The following WASHC3 variants were observed in gnomAD, a reference collection of about 807,000 sequenced individuals.
The protein encoded by WASHC3 is WASH complex subunit 3.
Under a neutral mutation model 26.1 loss-of-function variants are expected in WASHC3, and 24 were observed. The observed-to-expected ratio is 0.92, with a 90% CI of 0.66 to 1.29. The LOEUF is 1.29. Among genes scored for constraint, WASHC3 ranks in the 50% most tolerant of loss-of-function variants. The pLI is 0.00. For missense variants in WASHC3, 214 were observed against 229.6 expected, an observed-to-expected ratio of 0.93 and a Z score of 0.44; for synonymous variants, 77 against 75.7, an observed-to-expected ratio of 1.02 and a Z score of -0.09.
At chr12:102,029,361 G>C (rs1298137770) in intron 5 of WASHC3, among the ~76,000 whole-genome samples, 1 of 152,182 alleles carries the variant, frequency 6.6e-6, no homozygotes, top group Non-Finnish European at 1.5e-5. Flanking sequence ...GAAGAAGACA[G>C]AAGGCAGCCA....
intron 6 of WASHC3, among the ~76,000 whole-genome samples, chr12:102,017,333 T>C (rs1876749139): frequency 6.6e-6 from 1 of 152,186 alleles, no homozygotes; most frequent in African/African-American, 2.4e-5. Context: ...TCCCTGTCCT[T>C]AAGCGATGCA....
At chr12:102,036,925 G>C (rs1273687764) in intron 5 of WASHC3, among the ~76,000 whole-genome samples, 1 of 151,890 alleles carries the variant, frequency 6.6e-6, no homozygotes, top group Non-Finnish European at 1.5e-5. Context: ...AAAAGTTAAG[G>C]CTTTTTAAAA....
intron 2 of WASHC3, among the ~76,000 whole-genome samples, chr12:102,049,120 T>C (rs1878286303): frequency 6.6e-6 from 1 of 152,244 alleles, no homozygotes; most frequent in African/African-American, 2.4e-5. Context: ...GCTAGCTATA[T>C]TGACATTTGT....
chr12:102,050,657 A>AG (rs1878361518), intron 2 of WASHC3: 6 of 438,032 alleles, frequency 1.4e-5, no homozygotes, highest in African/African-American at 6.2e-5. Context: ...GGAAAAGAAA[A>AG]GAAAAAAAAA....
intron 6 of WASHC3, chr12:102,019,369 A>G: frequency 2.5e-6 from 1 of 392,756 alleles, no homozygotes; most frequent in South Asian, 1.9e-5. Flanking sequence ...TTCTTACTTC[A>G]CCCTACAAGT....
chr12:102,055,280 T>G (rs897766612), intron 2 of WASHC3, among the ~76,000 whole-genome samples: 2 of 152,190 alleles, frequency 1.3e-5, no homozygotes, highest in Non-Finnish European at 2.9e-5. Flanking sequence ...CTCAGTGACG[T>G]TATAAATGCT....
chr12:102,026,083 T>C (rs746097418), intron 5 of WASHC3, 45 bp from the exon 6 acceptor site: 6 of 1,099,120 alleles, frequency 5.5e-6, no homozygotes, highest in Non-Finnish European at 6.6e-6. Context: ...AAATGTCTCC[T>C]TTATATGTCG....
At chr12:102,026,171 C>T in intron 5 of WASHC3, 133 bp from the exon 6 acceptor site, 1 of 596,564 alleles carries the variant, frequency 1.7e-6, no homozygotes, top group Non-Finnish European at 2.9e-6. Context: ...TTAGCATGTG[C>T]CTAGCACTAG....
At chr12:102,060,007 T>C (rs1878738654) in intron 2 of WASHC3, among the ~76,000 whole-genome samples, 2 of 152,250 alleles carry the variant, frequency 1.3e-5, no homozygotes, top group Non-Finnish European at 2.9e-5. Context: ...AGAAGAAATG[T>C]TGATAATTAG....
At chr12:102,057,196 G>T (rs1237441278) in intron 2 of WASHC3, among the ~76,000 whole-genome samples, 1 of 152,046 alleles carries the variant, frequency 6.6e-6, no homozygotes, top group South Asian at 2.1e-4. Context: ...TGGAACAAAG[G>T]CATTTGACAA....
chr12:102,050,600 G>A lies in WASHC3; in HGVS notation c.151-4481C>T, dbSNP rs546796510. ...TGAGGTTGCCCTGAGCTGTGATCAC[G>A]CCACTGCACTCCAGCCTCGGTGATA... On this transcript the variant is annotated intron_variant, in intron 2 of 6. Coordinates refer to ENST00000240079, the MANE Select transcript of WASHC3 (RefSeq NM_016053.4). 1.9e-4 allele frequency: 88 copies of A among 454,044 alleles called. 1 individual carries two copies. The East Asian group carries it at 4.1e-3, about 21-fold the overall frequency. 28.1% of individuals were successfully genotyped at this position (454,044 alleles called of 1,614,324 possible).
intron 6 of WASHC3, among the ~76,000 whole-genome samples, chr12:102,024,148 T>C (rs1313613848): frequency 3.3e-5 from 5 of 152,102 alleles, no homozygotes; most frequent in African/African-American, 1.2e-4. Context: ...CTATATGAAA[T>C]AGGCATATGT....
At chr12:102,024,943 C>T (rs1343286184) in intron 6 of WASHC3, among the ~76,000 whole-genome samples, 1 of 152,046 alleles carries the variant, frequency 6.6e-6, no homozygotes, top group Admixed American at 6.6e-5. Context: ...TTCAAGCTGC[C>T]AAGCTATGCC....
intron 5 of WASHC3, among the ~76,000 whole-genome samples, chr12:102,029,954 A>G (rs547938199): frequency 3.2e-4 from 48 of 152,184 alleles, no homozygotes; most frequent in African/African-American, 1.1e-3. Flanking sequence ...AATAAAATGG[A>G]CTCAATCATA....
At chr12:102,020,770 C>G (rs146497463) in intron 6 of WASHC3, among the ~76,000 whole-genome samples, 3 of 152,226 alleles carry the variant, frequency 2.0e-5, no homozygotes, top group Admixed American at 1.3e-4. Flanking sequence ...TCTGTCAGAG[C>G]TATGCGATGG....
In WASHC3 at chr12:102,013,310, C is replaced by T. The variant is rs1314089230; in HGVS notation, c.501-118G>A. 3 of 619,534 alleles carry T rather than the reference C, an allele frequency of 4.8e-6. No homozygotes were observed. The East Asian group carries it at 8.4e-5, about 17-fold the overall frequency. The allele number at this position is 619,534 out of a possible 1,614,324, so 38.4% of individuals were successfully genotyped here. The stretch of plus-strand genomic sequence containing the variant: ...GCTAATAAATCTGCCAAGTCCGTGT[C>T]CTCAGTCTCCTGCTCTACACCACAG... On this transcript the variant is annotated intron_variant, in intron 6 of 6. Coordinates refer to ENST00000240079, the MANE Select transcript of WASHC3 (RefSeq NM_016053.4).
chr12:102,015,202 G>GT (rs975314576), intron 6 of WASHC3, among the ~76,000 whole-genome samples: 42 of 152,038 alleles, frequency 2.8e-4, no homozygotes, highest in African/African-American at 9.7e-4. Context: ...AGGCTGAGGT[G>GT]TATCACTTGA....
At chr12:102,017,978 G>A (rs908456609) in intron 6 of WASHC3, among the ~76,000 whole-genome samples, 4 of 151,878 alleles carry the variant, frequency 2.6e-5, no homozygotes, top group Non-Finnish European at 4.4e-5. Context: ...TCCCTTATCC[G>A]TCCAGCTGCT....
At chr12:102,028,592 A>G (rs1044451942) in intron 5 of WASHC3, among the ~76,000 whole-genome samples, 1 of 151,934 alleles carries the variant, frequency 6.6e-6, no homozygotes, top group African/African-American at 2.4e-5. Context: ...AAGGAGAATG[A>G]GGTTGAAAAA....
Sources: gnomAD v4.1 joint callset for allele counts (sites outside exome capture counted in the v4.1 genomes callset) on GRCh38, gnomAD v4.1.1 for gene constraint, MANE v1.5 for transcripts, NCBI Gene and HGNC (gene_info 2026-07-23, HGNC 2026-07-21) for gene names.